Variants in RUFY1 observed in about 807,000 individuals in gnomAD.
RUFY1 encodes the protein RUN and FYVE domain containing 1.
A neutral mutation model predicts 94.6 loss-of-function variants in RUFY1; 54 were observed. That is an observed-to-expected ratio of 0.57 (90% CI 0.46 to 0.72). The LOEUF (loss-of-function observed/expected upper bound fraction) is 0.72. RUFY1 is among the 30% of genes least tolerant of loss of function. The pLI, the probability that RUFY1 is intolerant of heterozygous loss-of-function variation, is 0.00. For missense variants in RUFY1, 883 were observed against 883.9 expected, an observed-to-expected ratio of 1.00 and a Z score of 0.01; for synonymous variants, 396 against 347.3, an observed-to-expected ratio of 1.14 and a Z score of -1.56.
chr5:179,609,947 G>T lies in RUFY1; in HGVS notation c.*428G>T, dbSNP rs1767563575. 1 of 156,958 alleles carries T rather than the reference G, an allele frequency of 6.4e-6. No homozygotes were observed. The highest frequency in any genetic ancestry group is 2.4e-5 in the African/African-American group (1 of 41,620). 9.7% of individuals were successfully genotyped at this position (156,958 alleles called of 1,614,324 possible). The stretch of plus-strand genomic sequence containing the variant: ...TGTGCCTTCTCTGCTTCAGACAAGA[G>T]ATCTGCCATTTCATGCCCTTGTGAC... On this transcript the variant is annotated 3_prime_UTR_variant, in exon 18 of 18. Coordinates refer to ENST00000319449, the MANE Select transcript of RUFY1 (RefSeq NM_025158.5).
Position 179,555,103 on chromosome 5 carries a change from T to G in RUFY1, c.310+4224T>G, listed in dbSNP as rs145742371. On this transcript the variant is annotated intron_variant, in intron 1 of 17. Transcript: ENST00000319449. The stretch of plus-strand genomic sequence containing the variant: ...GGCTGTTTTCACGCAAGCAATAGGA[T>G]GTACCCACAAGGAATGTATCTTGCT... 5.0e-4 allele frequency among the ~76,000 whole-genome samples: 76 copies of G among 152,330 alleles called. 1 individual carries two copies. The East Asian group carries it at 0.014, about 29-fold the overall frequency.
At chr5:179,595,190 A>G (rs1215467665) in intron 12 of RUFY1, among the ~76,000 whole-genome samples, 2 of 148,006 alleles carry the variant, frequency 1.4e-5, no homozygotes, top group African/African-American at 2.4e-5. Context: ...TAAAAATACT[A>G]AAAATTAGGA....
chr5:179,577,159 CTTTTTTTTTTTTT>C (rs748319712), intron 6 of RUFY1, 23 bp downstream of exon 6: 104 of 186,672 alleles, frequency 5.6e-4, no homozygotes, highest in African/African-American at 3.1e-3. Context: ...TTGTATGTCA[CTTTTTTTTTTTTT>C]TTTTTTTTTT....
At chr5:179,596,909 A>G in intron 13 of RUFY1, 1 of 506,422 alleles carries the variant, frequency 2.0e-6, no homozygotes, top group East Asian at 3.3e-5. Flanking sequence ...AGATCTGGCC[A>G]CTCTCAAACC....
intron 2 of RUFY1, 115 bp downstream of exon 2, chr5:179,560,313 C>T (rs1762341832): frequency 7.6e-7 from 1 of 1,316,878 alleles, no homozygotes; most frequent in South Asian, 1.5e-5. Flanking sequence ...GTGTACAGAA[C>T]AGGCAAGGTT....
intron 5 of RUFY1, 50 bp downstream of exon 5, chr5:179,569,475 T>C: frequency 6.3e-7 from 1 of 1,589,360 alleles, no homozygotes. Context: ...GTCCAGGGAC[T>C]TTACATAGGA....
chr5:179,588,613 A>G (rs1314655505), intron 8 of RUFY1, among the ~76,000 whole-genome samples: 1 of 152,140 alleles, frequency 6.6e-6, no homozygotes, highest in Non-Finnish European at 1.5e-5. Context: ...ATATACTTTT[A>G]CCGATCATTA....
intron 14 of RUFY1, among the ~76,000 whole-genome samples, chr5:179,600,605 T>C (rs1009682900): frequency 9.2e-5 from 14 of 151,838 alleles, no homozygotes; most frequent in African/African-American, 3.1e-4. Flanking sequence ...TTTTTTGAGA[T>C]AGCAATCTGT....
chr5:179,603,973 C>T (rs529382167), intron 15 of RUFY1, among the ~76,000 whole-genome samples: 3 of 152,314 alleles, frequency 2.0e-5, no homozygotes, highest in African/African-American at 7.2e-5. Context: ...AGGAGAATCG[C>T]TTGAACCTGG....
intron 1 of RUFY1, among the ~76,000 whole-genome samples, chr5:179,557,926 C>T (rs1333341251): frequency 1.3e-5 from 2 of 152,020 alleles, no homozygotes; most frequent in East Asian, 1.9e-4. Flanking sequence ...CCCAGGTCAC[C>T]GTATCAAGAG....
chr5:179,608,229 T>C (rs1045330874), intron 17 of RUFY1: 1 of 939,052 alleles, frequency 1.1e-6, no homozygotes, highest in South Asian at 4.9e-5. Flanking sequence ...AAGGAAACAC[T>C]GCCAGCGCCA....
At chr5:179,584,777 CAAAAA>C (rs375808253) in intron 7 of RUFY1, among the ~76,000 whole-genome samples, 36 of 136,934 alleles carry the variant, frequency 2.6e-4, no homozygotes, top group Non-Finnish European at 5.0e-4. Flanking sequence ...CAAAAAAAAA[CAAAAA>C]AAAGTAGTAC....
At chr5:179,566,891 A>C (rs1203465863) in intron 3 of RUFY1, among the ~76,000 whole-genome samples, 1 of 151,962 alleles carries the variant, frequency 6.6e-6, no homozygotes, top group Non-Finnish European at 1.5e-5. Context: ...CCCTGTCTCT[A>C]CTAAAAACAA....
intron 17 of RUFY1, 44 bp from the exon 18 acceptor site, chr5:179,609,332 C>G (rs368430714): frequency 2.5e-6 from 4 of 1,597,518 alleles, no homozygotes; most frequent in Non-Finnish European, 3.4e-6. Context: ...GTGCGGATGG[C>G]TTTTCCCCGG....
Position 179,580,932 on chromosome 5 carries a change from T to G in RUFY1, c.891-15T>G. ...AATAAAAAAAAGTTCTTCCTTCTTA[T>G]GCTCCTTTTAAAAGGCATGAAAGAA... On this transcript the variant is annotated splice_polypyrimidine_tract_variant and intron_variant, in intron 6 of 17. Coordinates refer to ENST00000319449, the MANE Select transcript of RUFY1 (RefSeq NM_025158.5). 1 of 1,531,236 alleles carries G rather than the reference T, an allele frequency of 6.5e-7. No homozygotes were observed. The highest frequency in any genetic ancestry group is 9.0e-7 in the Non-Finnish European group (1 of 1,113,844). The allele number at this position is 1,531,236 out of a possible 1,614,324, so 94.9% of individuals were successfully genotyped here.
At chr5:179,588,448 T>G (rs1764784622) in intron 8 of RUFY1, among the ~76,000 whole-genome samples, 2 of 152,202 alleles carry the variant, frequency 1.3e-5, no homozygotes, top group Admixed American at 6.6e-5. Flanking sequence ...AGCCTCTCCT[T>G]AGGCAGGTCC....
intron 15 of RUFY1, 73 bp downstream of exon 15, chr5:179,602,059 C>T: frequency 1.6e-6 from 2 of 1,261,334 alleles, no homozygotes; most frequent in Non-Finnish European, 2.3e-6. Flanking sequence ...AGGCCCCAAA[C>T]CTACCTCCTT....
intron 5 of RUFY1, among the ~76,000 whole-genome samples, 166 bp from the exon 6 acceptor site, chr5:179,576,903 GTAGGGT>G (rs199815584): frequency 0.015 from 2,298 of 152,164 alleles, 20 homozygotes; most frequent in Middle Eastern, 0.051. Context: ...CTAGAAGGTG[GTAGGGT>G]TAGGTTTTTT....
At chr5:179,600,637 A>G (rs1001079420) in intron 14 of RUFY1, among the ~76,000 whole-genome samples, 1 of 149,914 alleles carries the variant, frequency 6.7e-6, no homozygotes, top group East Asian at 2.0e-4. Context: ...TTTATCTTTT[A>G]AAAAGAAGCT....
Sources: allele counts gnomAD v4.1 joint callset (sites outside exome capture counted in the v4.1 genomes callset), GRCh38; gene constraint gnomAD v4.1.1; transcripts MANE v1.5; gene names NCBI Gene and HGNC (gene_info 2026-07-23, HGNC 2026-07-21).